RAVER2: variants seen among roughly 807,000 people sequenced by gnomAD.
RAVER2 encodes the protein ribonucleoprotein PTB-binding 2.
In RAVER2, 46 loss-of-function variants were observed where a neutral mutation model predicts 78.1. The observed-to-expected ratio is 0.59, with a 90% CI of 0.46 to 0.75. RAVER2 has a LOEUF of 0.75. Ranked by LOEUF, RAVER2 falls within the 30% of genes least tolerant of loss-of-function variation. The pLI, the probability that RAVER2 is intolerant of heterozygous loss-of-function variation, is 0.00. For synonymous variants in RAVER2, 311 were observed against 313.3 expected (o/e 0.99, Z 0.08); for missense variants, 793 against 837.5 (o/e 0.95, Z 0.66).
Position 64,778,132 on chromosome 1 carries a change from T to C in RAVER2, c.786+40T>C, listed in dbSNP as rs563178969. 4.2e-5 allele frequency: 57 copies of C among 1,363,434 alleles called. No individual in the cohort carries two copies. In the Admixed American group the frequency reaches 6.6e-4, roughly 16 times the overall value. 84.5% of individuals were successfully genotyped at this position (1,363,434 alleles called of 1,614,324 possible). ...GAGATTATTGAAATATTTTAAAATA[T>C]ATACATATGTATCTAATCTACATAC... is the stretch of plus-strand genomic sequence containing the variant. On this transcript the variant is annotated intron_variant, in intron 3 of 11. Coordinates refer to ENST00000294428, the Ensembl canonical transcript of RAVER2.
intron 4 of RAVER2, among the ~76,000 whole-genome samples, chr1:64,785,227 A>G (rs1418745576): frequency 2.6e-5 from 4 of 152,188 alleles, no homozygotes. Flanking sequence ...GAGTTTTTTA[A>G]TGTCATAAAT....
intron 5 of RAVER2, among the ~76,000 whole-genome samples, chr1:64,802,447 C>T (rs966493464): frequency 1.3e-5 from 2 of 152,116 alleles, no homozygotes; most frequent in East Asian, 1.9e-4. Context: ...GACTCTTAGA[C>T]GCGATTATGA....
intron 11 of RAVER2, among the ~76,000 whole-genome samples, chr1:64,819,999 AT>A (rs1653845684): frequency 6.6e-6 from 1 of 152,230 alleles, no homozygotes; most frequent in African/African-American, 2.4e-5. Flanking sequence ...AAAAGCAAAA[AT>A]TGTAACATAT....
intron 1 of RAVER2, among the ~76,000 whole-genome samples, chr1:64,763,721 G>T (rs1652088453): frequency 6.6e-6 from 1 of 151,992 alleles, no homozygotes; most frequent in South Asian, 2.1e-4. Flanking sequence ...GGCCAACATG[G>T]AGAAACCCTG....
chr1:64,754,749 G>T (rs934008475), intron 1 of RAVER2, among the ~76,000 whole-genome samples: 14 of 152,210 alleles, frequency 9.2e-5, no homozygotes, highest in African/African-American at 3.4e-4. Flanking sequence ...GTTGAAAAGT[G>T]CTGTTGCAGG....
chr1:64,746,102 T>C (rs1450118636), intron 1 of RAVER2, among the ~76,000 whole-genome samples: 1 of 152,212 alleles, frequency 6.6e-6, no homozygotes, highest in Non-Finnish European at 1.5e-5. Context: ...GTGTATTTAA[T>C]CCAGATTAAC....
chr1:64,770,208 C>T (rs1652277892), intron 2 of RAVER2, among the ~76,000 whole-genome samples: 1 of 151,934 alleles, frequency 6.6e-6, no homozygotes, highest in African/African-American at 2.4e-5. Flanking sequence ...TAGGTGTGCA[C>T]AATTTCAATG....
rs1380965732 is a variant in RAVER2, at chr1:64,828,153, ACCCACCCCC to A, written c.1930-2675_1930-2667del. ...TGAAACCAGTGCCTGTACCTTTCAA[ACCCACCCCC>A]CCCACCCCCCGCCCATTTTCCTTGT... On this transcript the variant is annotated intron_variant, in intron 11 of 11. Coordinates refer to ENST00000294428, the Ensembl canonical transcript of RAVER2. 3.0e-5 allele frequency among the ~76,000 whole-genome samples: 3 copies of A among 98,800 alleles called. No individual in the cohort carries two copies. The East Asian group carries it at 1.1e-3, about 35-fold the overall frequency. The allele number at this position is 98,800 out of a possible 152,430, so 64.8% of individuals were successfully genotyped here. A position where few individuals can be genotyped will look rare whatever the true frequency, so the allele number is the denominator to read the frequency against.
intron 1 of RAVER2, among the ~76,000 whole-genome samples, chr1:64,747,586 A>G (rs1364326347): frequency 1.3e-5 from 2 of 150,586 alleles, no homozygotes; most frequent in African/African-American, 4.9e-5. Flanking sequence ...ACCTCAGCTC[A>G]CTGCAACCTC....
intron 4 of RAVER2, among the ~76,000 whole-genome samples, chr1:64,782,379 T>G (rs1392145635): frequency 6.6e-6 from 1 of 152,202 alleles, no homozygotes; most frequent in Non-Finnish European, 1.5e-5. Flanking sequence ...ACCCTAGTAC[T>G]TAGCATAGTA....
At chr1:64,772,226 G>A (rs1040177478) in intron 2 of RAVER2, among the ~76,000 whole-genome samples, 50 of 151,898 alleles carry the variant, frequency 3.3e-4, no homozygotes, top group African/African-American at 1.1e-3. Flanking sequence ...GGAAAAACAT[G>A]GAAGAAGCTA....
At chr1:64,771,014 A>G (rs144031522) in intron 2 of RAVER2, among the ~76,000 whole-genome samples, 1 of 152,168 alleles carries the variant, frequency 6.6e-6, no homozygotes, top group African/African-American at 2.4e-5. Flanking sequence ...TTAGTAGCTG[A>G]AAAGTTTTAA....
At chr1:64,776,560 T>A (rs555331352) in intron 2 of RAVER2, among the ~76,000 whole-genome samples, 2 of 152,342 alleles carry the variant, frequency 1.3e-5, no homozygotes, top group African/African-American at 4.8e-5. Context: ...CCATATTTGC[T>A]GTATACAACA....
chr1:64,795,649 T>C (rs186622347), intron 5 of RAVER2, among the ~76,000 whole-genome samples: 1 of 152,240 alleles, frequency 6.6e-6, no homozygotes, highest in African/African-American at 2.4e-5. Context: ...ATTAAATATT[T>C]ATTTATCTTA....
chr1:64,812,107 G>A lies in RAVER2; in HGVS notation c.1681-631G>A, dbSNP rs144697492. 1.8e-3 allele frequency among the ~76,000 whole-genome samples: 268 copies of A among 152,012 alleles called. 1 individual carries two copies. The highest frequency in any genetic ancestry group is 0.017 in the East Asian group (87 of 5,172). ...ACGCCTGTAATCTCAACACTTTGGT[G>A]TTGAGCCAACACTTTGGCCAAGGCG... On this transcript the variant is annotated intron_variant, in intron 9 of 11. Coordinates refer to ENST00000294428, the Ensembl canonical transcript of RAVER2.
intron 5 of RAVER2, among the ~76,000 whole-genome samples, chr1:64,797,075 T>C (rs969078777): frequency 1.3e-5 from 2 of 152,212 alleles, no homozygotes; most frequent in African/African-American, 4.8e-5. Context: ...GATGATACTT[T>C]GTACAATTTA....
intron 1 of RAVER2, among the ~76,000 whole-genome samples, chr1:64,757,592 C>G (rs1651889743): frequency 1.3e-5 from 2 of 152,138 alleles, no homozygotes; most frequent in African/African-American, 4.8e-5. Context: ...GTTGTTTAAG[C>G]CACTCAGTCT....
intron 1 of RAVER2, among the ~76,000 whole-genome samples, chr1:64,753,523 CTTTTT>C (rs59448781): frequency 7.9e-5 from 8 of 100,910 alleles, no homozygotes; most frequent in African/African-American, 2.9e-4. Context: ...GTATAGAATT[CTTTTT>C]TTTTTTTTTT....
At chr1:64,781,617 T>G in intron 4 of RAVER2, 46 bp downstream of exon 4, 1 of 1,547,400 alleles carries the variant, frequency 6.5e-7, no homozygotes, top group Non-Finnish European at 8.7e-7. Flanking sequence ...TATAGAAAAT[T>G]CTAATACTAT....
Sources: allele counts gnomAD v4.1 joint callset (sites outside exome capture counted in the v4.1 genomes callset), GRCh38; gene constraint gnomAD v4.1.1; transcripts MANE v1.5; gene names NCBI Gene and HGNC (gene_info 2026-07-23, HGNC 2026-07-21).